CNTN3: variants seen among roughly 807,000 people sequenced by gnomAD.
The protein encoded by CNTN3 is contactin 3, also known as contactin-3.
A neutral mutation model predicts 119.1 loss-of-function variants in CNTN3; 60 were observed. The observed-to-expected ratio is 0.50, with a 90% CI of 0.41 to 0.62. The LOEUF (loss-of-function observed/expected upper bound fraction) is 0.62, where lower values mean the gene tolerates loss of function less well. Among genes scored for constraint, CNTN3 ranks in the 20% least tolerant of loss-of-function variants. The pLI is 0.00. For missense variants in CNTN3, 1,101 were observed against 1,242.4 expected (o/e 0.89, Z 1.71); for synonymous variants, 450 against 438.7 (o/e 1.03, Z -0.32).
intron 1 of CNTN3, among the ~76,000 whole-genome samples, chr3:74,536,397 A>T (rs1703765900): frequency 6.6e-6 from 1 of 152,130 alleles, no homozygotes; most frequent in Non-Finnish European, 1.5e-5. Flanking sequence ...TGAGGACCTT[A>T]ATGAAAACAC....
intron 8 of CNTN3, among the ~76,000 whole-genome samples, chr3:74,367,191 A>G (rs1364905700): frequency 6.6e-6 from 1 of 152,092 alleles, no homozygotes; most frequent in Non-Finnish European, 1.5e-5. Context: ...TTGATGTTAA[A>G]TAGAAATTGT....
intron 20 of CNTN3, among the ~76,000 whole-genome samples, chr3:74,279,406 T>TACATATACATAC (rs1178467143): frequency 6.6e-6 from 1 of 151,918 alleles, no homozygotes; most frequent in Non-Finnish European, 1.5e-5. Flanking sequence ...GATATATATA[T>TACATATACATAC]ACATATACAT....
intron 1 of CNTN3, among the ~76,000 whole-genome samples, chr3:74,579,885 TAACA>T (rs567481038): frequency 1.4e-3 from 214 of 152,224 alleles, no homozygotes; most frequent in Middle Eastern, 6.8e-3. Context: ...AAAATATATG[TAACA>T]AACAAAACAT....
chr3:74,612,308 A>G (rs1705095889), intron 1 of CNTN3, among the ~76,000 whole-genome samples: 1 of 152,238 alleles, frequency 6.6e-6, no homozygotes, highest in African/African-American at 2.4e-5. Context: ...TCAGCAAAGG[A>G]AAGGCTACAG....
At chr3:74,367,847 G>C (rs9808982) in intron 8 of CNTN3, among the ~76,000 whole-genome samples, 1 of 151,822 alleles carries the variant, frequency 6.6e-6, no homozygotes, top group Non-Finnish European at 1.5e-5. Context: ...TGGAATATCC[G>C]GTGTGTTCCC....
In CNTN3 at chr3:74,517,741, C is replaced by T. The variant is rs574642205; in HGVS notation, c.55+3317G>A. Among the ~76,000 whole-genome samples, 216 of 151,920 alleles carry T rather than the reference C, an allele frequency of 1.4e-3. 4 individuals carry two copies. The South Asian group carries it at 0.026, about 19-fold the overall frequency. On this transcript the variant is annotated intron_variant, in intron 2 of 22. Coordinates refer to ENST00000263665, the MANE Select transcript of CNTN3 (RefSeq NM_020872.3). ...ATCTCTGTTCAATCTTTTGTAAGCT[C>T]TCCCACTTCACCCTAGGTTCCAGCC...
intron 19 of CNTN3, among the ~76,000 whole-genome samples, chr3:74,289,545 G>T (rs775018013): frequency 3.9e-5 from 6 of 151,950 alleles, no homozygotes; most frequent in Non-Finnish European, 8.8e-5. Context: ...TACTTCACTG[G>T]TTTGCTTTTT....
chr3:74,482,947 C>T (rs973033032), intron 4 of CNTN3, among the ~76,000 whole-genome samples: 10 of 151,588 alleles, frequency 6.6e-5, no homozygotes, highest in Non-Finnish European at 1.5e-4. Flanking sequence ...TCTTCTACTT[C>T]TTTTCTCATC....
chr3:74,278,395 G>C (rs1701924241), intron 20 of CNTN3, among the ~76,000 whole-genome samples: 1 of 152,120 alleles, frequency 6.6e-6, no homozygotes, highest in African/African-American at 2.4e-5. Flanking sequence ...GCATGGTACT[G>C]GTACAAAAGT....
At position 74,583,916 on chromosome 3, in the gene CNTN3, C is replaced by T. The variant is rs199657585; in HGVS notation, c.-81+30475G>A. 5.9e-5 allele frequency among the ~76,000 whole-genome samples: 9 copies of T among 152,144 alleles called. No homozygotes were observed. In the East Asian group the frequency reaches 1.5e-3, roughly 26 times the overall value. ...ATATATAGACAGACCTAACTTCTGG[C>T]CCTAGCTCTTGTCCCTGGTTCTTAT... On this transcript the variant is annotated intron_variant, in intron 1 of 22. Transcript: ENST00000263665.
Position 74,301,451 on chromosome 3 carries a change from A to T in CNTN3, c.2042T>A (p.Ile681Asn). ...YEFRVVASNK[I>N]GGGEPSLPSE... ...GGGTAAACTTGGTTCTCCACCTCCA[A>T]TTTTGTTACTGGCTACAACCCGAAA... The change falls in exon 16 of 23, where the codon ATT becomes AAT. Residue 681 changes from isoleucine (I) to asparagine (N), a missense_variant. By Grantham distance (149) the Ile-to-Asn change is moderately radical. Coordinates refer to ENST00000263665, the MANE Select transcript of CNTN3 (RefSeq NM_020872.3). 6.2e-7 allele frequency: 1 copy of T among 1,614,046 alleles called. No homozygotes were observed. The highest frequency in any genetic ancestry group is 1.1e-5 in the South Asian group (1 of 91,080).
At chr3:74,319,326 C>G (rs1258063700) in intron 13 of CNTN3, among the ~76,000 whole-genome samples, 7 of 152,110 alleles carry the variant, frequency 4.6e-5, no homozygotes, top group Admixed American at 4.6e-4. Flanking sequence ...AGATATAGAT[C>G]AATGGAATAG....
chr3:74,405,574 G>T (rs529534976), intron 5 of CNTN3, among the ~76,000 whole-genome samples: 25 of 151,988 alleles, frequency 1.6e-4, no homozygotes, highest in African/African-American at 5.8e-4. Flanking sequence ...TTAAGATTTT[G>T]ATTACAATCA....
At chr3:74,583,505 GA>G (rs1190408124) in intron 1 of CNTN3, among the ~76,000 whole-genome samples, 1 of 152,104 alleles carries the variant, frequency 6.6e-6, no homozygotes, top group Non-Finnish European at 1.5e-5. Context: ...TGAAGTGTGA[GA>G]ACAGGCAAAA....
In CNTN3 at chr3:74,299,764, G is replaced by A. The variant is rs188833609; in HGVS notation, c.2166+104C>T. 268 of 842,560 alleles carry A rather than the reference G, an allele frequency of 3.2e-4. No homozygotes were observed. The African/African-American group carries it at 4.0e-3, about 12-fold the overall frequency. 52.2% of individuals were successfully genotyped at this position (842,560 alleles called of 1,614,324 possible). ...GCAGCACCCACCAGCCACACCCCCA[G>A]CACTACCACCACCACCTGCACCATT... On this transcript the variant is annotated intron_variant, in intron 17 of 22. Coordinates refer to ENST00000263665, the MANE Select transcript of CNTN3 (RefSeq NM_020872.3).
intron 1 of CNTN3, among the ~76,000 whole-genome samples, chr3:74,586,686 A>G (rs112939093): frequency 1.8e-4 from 27 of 152,176 alleles, no homozygotes; most frequent in African/African-American, 6.5e-4. Context: ...GTGAATTCAT[A>G]TTCATAAGGC....
rs1702808339 is a variant in CNTN3, at chr3:74,315,511, T to C, written c.1669-12704A>G. On this transcript the variant is annotated intron_variant, in intron 13 of 22. Transcript: ENST00000263665. ...ACATTTTTCTCAAGCTCATATGGAA[T>C]GTTCACCAAGAAAGACCACATACTG... Among the ~76,000 whole-genome samples, 4 of 152,170 alleles carry C rather than the reference T, an allele frequency of 2.6e-5. No homozygotes were observed. In the South Asian group the frequency reaches 8.3e-4, roughly 32 times the overall value.
In CNTN3 at chr3:74,369,191, T is replaced by C. The variant is rs112139954; in HGVS notation, c.944A>G (p.Tyr315Cys). The C allele has an allele frequency of 1.9e-6, 3 of 1,597,310 alleles. No individual in the cohort carries two copies. Among genetic ancestry groups the C allele is most frequent in the Admixed American group, 3.5e-5 (2 of 57,306 alleles). Residue 315 changes from tyrosine (Y) to cysteine (C), a missense_variant and splice_region_variant, in exon 8 of 23, where the codon TAT becomes TGT. By Grantham distance (194) the Tyr-to-Cys change is radical (BLOSUM62 -2). Coordinates refer to ENST00000263665, the MANE Select transcript of CNTN3 (RefSeq NM_020872.3). ...ATTTGCCCAAAGCAGATGCTCACCA[T>C]AGTAAGTGAGACGCCCTCTGGCAAC... ...KNVARGRLTY[Y>C]AKPHWVQLIK...
intron 5 of CNTN3, among the ~76,000 whole-genome samples, chr3:74,407,528 C>T (rs1006373790): frequency 6.6e-6 from 1 of 151,294 alleles, no homozygotes; most frequent in African/African-American, 2.4e-5. Flanking sequence ...CCACCTCGGC[C>T]TCTCAAAGTG....
Sources: gnomAD v4.1 joint callset for allele counts (sites outside exome capture counted in the v4.1 genomes callset) on GRCh38, gnomAD v4.1.1 for gene constraint, MANE v1.5 for transcripts, NCBI Gene and HGNC (gene_info 2026-07-23, HGNC 2026-07-21) for gene names.